Variants in ROBO1 observed in about 807,000 individuals in gnomAD.
The protein encoded by ROBO1 is roundabout homolog 1.
Under a neutral mutation model 195.9 loss-of-function variants are expected in ROBO1, and 149 were observed. The observed-to-expected ratio is 0.76, with a 90% CI of 0.67 to 0.87. ROBO1 has a LOEUF of 0.87. ROBO1 is among the 40% of genes least tolerant of loss of function. The probability of loss-of-function intolerance (pLI) is 0.00; values close to 1 mark genes in which losing one functional copy is unlikely to be tolerated. For synonymous variants in ROBO1, 816 were observed against 733.2 expected (o/e 1.11, Z -1.82); for missense variants, 1,933 against 2,068.3 (o/e 0.93, Z 1.27).
chr3:79,165,116 T>C (rs2081039043), intron 2 of ROBO1, among the ~76,000 whole-genome samples: 1 of 152,186 alleles, frequency 6.6e-6, no homozygotes, highest in African/African-American at 2.4e-5. Context: ...ATTCTTGATA[T>C]TTGTTTACTC....
chr3:79,047,283 C>G (rs2078612520), intron 3 of ROBO1, among the ~76,000 whole-genome samples: 1 of 151,790 alleles, frequency 6.6e-6, no homozygotes. Flanking sequence ...AAGGAGATTT[C>G]CAAGCAAAGT....
chr3:78,924,819 CAG>C (rs923140524), intron 4 of ROBO1, among the ~76,000 whole-genome samples: 1 of 151,972 alleles, frequency 6.6e-6, no homozygotes, highest in Non-Finnish European at 1.5e-5. Context: ...TAAACAAAAG[CAG>C]AGTGTTCCAA....
intron 2 of ROBO1, among the ~76,000 whole-genome samples, chr3:79,282,859 A>G (rs1170995038): frequency 1.3e-5 from 2 of 152,208 alleles, no homozygotes; most frequent in Non-Finnish European, 2.9e-5. Context: ...TGAGCAAAGG[A>G]TAATATTATT....
chr3:79,751,538 C>T lies in ROBO1; in HGVS notation c.-51+16214G>A, dbSNP rs575900609. 5.9e-5 allele frequency among the ~76,000 whole-genome samples: 9 copies of T among 152,170 alleles called. No individual in the cohort carries two copies. The South Asian group carries it at 1.9e-3, about 32-fold the overall frequency. On this transcript the variant is annotated intron_variant, in intron 1 of 30. Transcript: ENST00000464233. ...TTTAGCTAAGTGCTATTGTTAAAGT[C>T]CATAAAGCAAATATATATCTACAGT...
At chr3:79,038,715 A>T (rs1220578990) in intron 3 of ROBO1, among the ~76,000 whole-genome samples, 6 of 115,886 alleles carry the variant, frequency 5.2e-5, no homozygotes, top group Admixed American at 8.1e-5. Flanking sequence ...AGTCCAATTT[A>T]AAAAAAAAAA....
At chr3:79,551,402 C>T (rs2107675498) in intron 2 of ROBO1, among the ~76,000 whole-genome samples, 1 of 150,688 alleles carries the variant, frequency 6.6e-6, no homozygotes, top group Non-Finnish European at 1.5e-5. Context: ...CTAAGACACA[C>T]CTAATAAAAT....
intron 4 of ROBO1, among the ~76,000 whole-genome samples, chr3:78,926,849 C>G (rs1208384547): frequency 1.3e-5 from 2 of 152,188 alleles, no homozygotes; most frequent in African/African-American, 2.4e-5. Flanking sequence ...TATAAAGCCA[C>G]TATACATTCT....
At position 78,714,586 on chromosome 3, in the gene ROBO1, A is replaced by G. The variant is rs1392945337; in HGVS notation, c.918-62T>C. The stretch of plus-strand genomic sequence containing the variant: ...TTTCTACTTGAAAGATCTCATTATT[A>G]TACACACAATGCTTCAAAGCACATG... On this transcript the variant is annotated intron_variant, in intron 7 of 30. Coordinates refer to ENST00000464233, the MANE Select transcript of ROBO1 (RefSeq NM_002941.4). 2.0e-6 allele frequency: 3 copies of G among 1,468,630 alleles called. No homozygotes were observed. The Admixed American group carries it at 6.1e-5, about 30-fold the overall frequency. The allele number at this position is 1,468,630 out of a possible 1,614,324, so 91.0% of individuals were successfully genotyped here. A position where few individuals can be genotyped will look rare whatever the true frequency, so the allele number is the denominator to read the frequency against.
chr3:78,764,935 GA>G (rs926443510), intron 4 of ROBO1, among the ~76,000 whole-genome samples: 2 of 151,992 alleles, frequency 1.3e-5, no homozygotes, highest in Non-Finnish European at 2.9e-5. Flanking sequence ...TGGTTTGTGT[GA>G]TTTTTTTAAG....
intron 3 of ROBO1, among the ~76,000 whole-genome samples, chr3:79,053,636 T>A (rs1205075207): frequency 5.3e-5 from 8 of 151,912 alleles, no homozygotes; most frequent in Admixed American, 5.3e-4. Context: ...TGGACGCTAG[T>A]AATCACCAGT....
intron 1 of ROBO1, among the ~76,000 whole-genome samples, chr3:79,715,071 G>C (rs1485593923): frequency 6.6e-6 from 1 of 151,978 alleles, no homozygotes; most frequent in East Asian, 1.9e-4. Context: ...TACAATATTA[G>C]CAGATGAGAA....
intron 5 of ROBO1, among the ~76,000 whole-genome samples, chr3:78,742,351 T>C (rs977477338): frequency 6.6e-6 from 1 of 152,032 alleles, no homozygotes; most frequent in Non-Finnish European, 1.5e-5. Context: ...TCACGTACAA[T>C]GACTAATAAC....
At chr3:79,476,432 C>T (rs527768734) in intron 2 of ROBO1, among the ~76,000 whole-genome samples, 8 of 152,216 alleles carry the variant, frequency 5.3e-5, no homozygotes, top group African/African-American at 1.9e-4. Context: ...GAAAAGAAGT[C>T]ATTATGCGAA....
intron 3 of ROBO1, among the ~76,000 whole-genome samples, chr3:79,082,240 C>T (rs1014630300): frequency 1.3e-5 from 2 of 152,102 alleles, no homozygotes. Context: ...CAATCCTATT[C>T]CTGGCTTGAC....
At chr3:78,948,238 T>G (rs1358423148) in intron 3 of ROBO1, among the ~76,000 whole-genome samples, 1 of 152,188 alleles carries the variant, frequency 6.6e-6, no homozygotes, top group Non-Finnish European at 1.5e-5. Context: ...CCAATATCTT[T>G]GATGAACATT....
intron 4 of ROBO1, among the ~76,000 whole-genome samples, chr3:78,804,853 A>AAGAGTTCC (rs2084486622): frequency 6.6e-6 from 1 of 151,734 alleles, no homozygotes; most frequent in Admixed American, 6.6e-5. Context: ...TACATCTATT[A>AAGAGTTCC]AGAGTTCCAG....
At position 78,711,309 on chromosome 3, in the gene ROBO1, TTCTTTC is replaced by T. The variant is rs769137307; in HGVS notation, c.1045+3082_1045+3087del. 1.9e-3 allele frequency among the ~76,000 whole-genome samples: 281 copies of T among 149,558 alleles called. 2 individuals carry two copies. The highest frequency in any genetic ancestry group is 0.014 in the Middle Eastern group (4 of 284). On this transcript the variant is annotated intron_variant, in intron 8 of 30. Transcript: ENST00000464233. ...CCTTTCTTTCTTTCTCTTTCTTTCT[TTCTTTC>T]TCTCTCTCTCTCCTTCCTTCCTTCC...
intron 1 of ROBO1, among the ~76,000 whole-genome samples, chr3:79,614,395 A>G (rs562786778): frequency 6.6e-6 from 1 of 152,278 alleles, no homozygotes; most frequent in South Asian, 2.1e-4. Context: ...AGTCAAAAGA[A>G]AAATAAAATA....
intron 2 of ROBO1, among the ~76,000 whole-genome samples, chr3:79,434,976 C>T (rs2038831192): frequency 2.6e-5 from 4 of 152,098 alleles, no homozygotes. Flanking sequence ...AAAAACCAAA[C>T]ACCGCATGTT....
Sources: allele counts gnomAD v4.1 joint callset (sites outside exome capture counted in the v4.1 genomes callset), GRCh38; gene constraint gnomAD v4.1.1; transcripts MANE v1.5; gene names NCBI Gene and HGNC (gene_info 2026-07-23, HGNC 2026-07-21).